DAP: variants seen among roughly 807,000 people sequenced by gnomAD.
DAP encodes death-associated protein 1.
In DAP, 8 loss-of-function variants were observed where a neutral mutation model predicts 13.8. The ratio of observed to expected loss-of-function variants is 0.58; its 90% CI spans 0.34 to 1.05. The LOEUF (loss-of-function observed/expected upper bound fraction) is 1.05. Ranked by LOEUF, DAP falls within the 50% of genes least tolerant of loss-of-function variation. The probability of loss-of-function intolerance (pLI) is 0.03; values close to 1 mark genes in which losing one functional copy is unlikely to be tolerated. For missense variants in DAP, 106 were observed against 133.2 expected, an observed-to-expected ratio of 0.80 and a Z score of 1.01; for synonymous variants, 47 against 47.5, an observed-to-expected ratio of 0.99 and a Z score of 0.04.
intron 3 of DAP, 45 bp from the exon 4 acceptor site, chr5:10,681,214 G>T: frequency 7.0e-7 from 1 of 1,423,802 alleles, no homozygotes; most frequent in South Asian, 1.5e-5. Context: ...TAGGAAGCAT[G>T]GGGTTTGTGG....
chr5:10,741,807 AT>A (rs1739763503), intron 2 of DAP, among the ~76,000 whole-genome samples: 2 of 152,234 alleles, frequency 1.3e-5, no homozygotes, highest in Admixed American at 1.3e-4. Flanking sequence ...TTTTTGTAGT[AT>A]TTTTTGTGAC....
At chr5:10,696,342 G>C (rs867691521) in intron 2 of DAP, among the ~76,000 whole-genome samples, 14 of 152,178 alleles carry the variant, frequency 9.2e-5, no homozygotes, top group African/African-American at 3.1e-4. Context: ...GGGGTGTGGC[G>C]GGGGGGAGGC....
intron 1 of DAP, among the ~76,000 whole-genome samples, chr5:10,749,592 A>G (rs759486892): frequency 3.3e-4 from 50 of 152,282 alleles, no homozygotes; most frequent in South Asian, 2.3e-3. Context: ...GTAATCTAGC[A>G]TCTATTAAGA....
At chr5:10,747,870 C>G (rs559513380) in intron 2 of DAP, among the ~76,000 whole-genome samples, 2 of 152,138 alleles carry the variant, frequency 1.3e-5, no homozygotes, top group Admixed American at 1.3e-4. Context: ...TAAACCCAGG[C>G]ACCTGGGCAG....
intron 2 of DAP, among the ~76,000 whole-genome samples, chr5:10,716,203 T>A (rs910560708): frequency 6.6e-6 from 1 of 152,204 alleles, no homozygotes; most frequent in Admixed American, 6.5e-5. Context: ...GCGGGCAGAA[T>A]GAAGCTGGAT....
chr5:10,727,095 A>C (rs1008494102), intron 2 of DAP, among the ~76,000 whole-genome samples: 4 of 152,158 alleles, frequency 2.6e-5, no homozygotes, highest in African/African-American at 7.2e-5. Flanking sequence ...ATTGTCCTAA[A>C]ATGTCTCCTT....
chr5:10,740,109 T>C (rs540848249), intron 2 of DAP, among the ~76,000 whole-genome samples: 15 of 152,188 alleles, frequency 9.9e-5, no homozygotes, highest in South Asian at 2.1e-4. Context: ...ATGGAAGCTA[T>C]ACATTTTTAA....
intron 2 of DAP, among the ~76,000 whole-genome samples, chr5:10,683,956 T>C (rs1038574920): frequency 1.3e-5 from 2 of 152,218 alleles, no homozygotes; most frequent in African/African-American, 2.4e-5. Context: ...CCCGAGTAGC[T>C]GGGACAACAG....
intron 2 of DAP, among the ~76,000 whole-genome samples, chr5:10,730,406 A>C (rs1739411599): frequency 6.6e-6 from 1 of 152,202 alleles, no homozygotes; most frequent in Non-Finnish European, 1.5e-5. Context: ...GGGGACTGAG[A>C]GCCCCGGTGG....
intron 2 of DAP, among the ~76,000 whole-genome samples, chr5:10,721,808 T>A (rs1561022042): frequency 3.3e-5 from 5 of 152,262 alleles, no homozygotes. Context: ...GTAATTGTCA[T>A]GAGTATTTCC....
intron 2 of DAP, among the ~76,000 whole-genome samples, chr5:10,684,605 CTTA>C (rs1179023379): frequency 6.6e-6 from 1 of 152,200 alleles, no homozygotes; most frequent in South Asian, 2.1e-4. Flanking sequence ...TGCTTGTCTT[CTTA>C]TTAACTTTTT....
chr5:10,726,146 T>C (rs1488964139), intron 2 of DAP, among the ~76,000 whole-genome samples: 1 of 152,240 alleles, frequency 6.6e-6, no homozygotes, highest in African/African-American at 2.4e-5. Flanking sequence ...AAATGTTCAA[T>C]TCTGCCTGTT....
At chr5:10,723,224 A>G (rs4146659) in intron 2 of DAP, among the ~76,000 whole-genome samples, 27,571 of 152,248 alleles carry the variant, frequency 0.18, 2,831 homozygotes, top group East Asian at 0.29. Context: ...ACTGATAGAA[A>G]AGGGAAGATA....
intron 2 of DAP, among the ~76,000 whole-genome samples, chr5:10,735,590 A>G (rs1005858920): frequency 7.2e-5 from 11 of 152,226 alleles, no homozygotes; most frequent in African/African-American, 2.7e-4. Flanking sequence ...GAATACTCAT[A>G]TGCTGGGGAT....
At chr5:10,760,985 G>C in intron 1 of DAP, 29 bp downstream of exon 1, 1 of 1,215,242 alleles carries the variant, frequency 8.2e-7, no homozygotes, top group Non-Finnish European at 1.0e-6. Context: ...CGGCACCCGC[G>C]CGTGGAGAGA....
In DAP at chr5:10,679,284, A is replaced by C. The variant is rs1737920347; in HGVS notation, c.*1772T>G. 6.6e-6 allele frequency: 1 copy of C among 152,402 alleles called. No homozygotes were observed. Among genetic ancestry groups the C allele is most frequent in the Non-Finnish European group, 1.5e-5 (1 of 68,046 alleles). The allele number at this position is 152,402 out of a possible 1,614,324, so 9.4% of individuals were successfully genotyped here. On this transcript the variant is annotated 3_prime_UTR_variant, in exon 4 of 4. Transcript: ENST00000230895. ...ATCATTTAATATTCTTGAAGTTAAC[A>C]ACTGATAAACTCATTTAGGCAAACA...
intron 2 of DAP, among the ~76,000 whole-genome samples, chr5:10,718,550 G>A (rs1321750510): frequency 6.6e-6 from 1 of 152,208 alleles, no homozygotes; most frequent in African/African-American, 2.4e-5. Flanking sequence ...AAAGACGCAG[G>A]GGTGGTGACT....
intron 2 of DAP, among the ~76,000 whole-genome samples, chr5:10,705,369 G>A (rs1738672147): frequency 6.6e-6 from 1 of 152,224 alleles, no homozygotes; most frequent in Admixed American, 6.5e-5. Context: ...GATCTAGTGG[G>A]AGGCCCAGGC....
chr5:10,693,436 A>G (rs1738357136), intron 2 of DAP, among the ~76,000 whole-genome samples: 1 of 152,202 alleles, frequency 6.6e-6, no homozygotes, highest in South Asian at 2.1e-4. Flanking sequence ...GATAGAAATG[A>G]TCTCAGGTTG....
Sources: allele counts gnomAD v4.1 joint callset (sites outside exome capture counted in the v4.1 genomes callset), GRCh38; gene constraint gnomAD v4.1.1; transcripts MANE v1.5; gene names NCBI Gene and HGNC (gene_info 2026-07-23, HGNC 2026-07-21).